Variants in TNRC6A observed in about 807,000 individuals in gnomAD.
TNRC6A encodes trinucleotide repeat-containing gene 6A protein.
A neutral mutation model predicts 221.2 loss-of-function variants in TNRC6A; 44 were observed. That is an observed-to-expected ratio of 0.20 (90% CI 0.16 to 0.26). TNRC6A has a LOEUF of 0.26. Ranked by LOEUF, TNRC6A falls within the 10% of genes least tolerant of loss-of-function variation. The pLI is 1.00. For synonymous variants in TNRC6A, 847 were observed against 838.5 expected (o/e 1.01, Z -0.18); for missense variants, 2,199 against 2,404.4 (o/e 0.91, Z 1.79).
chr16:24,806,449 A>C, intron 16 of TNRC6A, 125 bp from the exon 17 acceptor site: 2 of 1,367,158 alleles, frequency 1.5e-6, no homozygotes, highest in Non-Finnish European at 2.0e-6. Flanking sequence ...TTATGTGAAC[A>C]TTATACAGTG....
At chr16:24,631,052 C>T (rs943550384) in intron 1 of TNRC6A, among the ~76,000 whole-genome samples, 3 of 151,704 alleles carry the variant, frequency 2.0e-5, no homozygotes, top group Non-Finnish European at 2.9e-5. Flanking sequence ...GCCCTCCCTG[C>T]GCCAATTCAT....
At chr16:24,640,599 C>T (rs1290771543) in intron 1 of TNRC6A, among the ~76,000 whole-genome samples, 1 of 150,734 alleles carries the variant, frequency 6.6e-6, no homozygotes, top group Non-Finnish European at 1.5e-5. Context: ...CATGGTGGTG[C>T]ACGCCTTTGG....
rs879634091 is a variant in TNRC6A at position 24,771,578 on chromosome 16, T to TGTG, written c.164-5355_164-5354insGTG. 9.1e-3 allele frequency among the ~76,000 whole-genome samples: 1,140 copies of TGTG among 125,934 alleles called. 8 individuals carry two copies. The highest frequency in any genetic ancestry group is 9.9e-3 in the Non-Finnish European group (599 of 60,320). 82.6% of individuals were successfully genotyped at this position (125,934 alleles called of 152,430 possible). ...TGTTATGTTTTATGTTATGTTATGT[T>TGTG]ATGTTGTTATGTTATGTTATGTTAT... is the stretch of plus-strand genomic sequence containing the variant. On this transcript the variant is annotated intron_variant, in intron 4 of 24. Coordinates refer to ENST00000395799, the MANE Select transcript of TNRC6A (RefSeq NM_014494.4).
chr16:24,648,970 A>G (rs955724898), intron 2 of TNRC6A, among the ~76,000 whole-genome samples: 3 of 152,038 alleles, frequency 2.0e-5, no homozygotes, highest in African/African-American at 7.2e-5. Context: ...CAGTTTCTTA[A>G]GCGTTTCCCT....
At chr16:24,776,354 A>G (rs868425609) in intron 4 of TNRC6A, 3 of 985,176 alleles carry the variant, frequency 3.0e-6, no homozygotes, top group Non-Finnish European at 3.6e-6. Context: ...CTTTAGTTCC[A>G]TGTTCTGAGT....
intron 2 of TNRC6A, among the ~76,000 whole-genome samples, chr16:24,694,203 G>A (rs768912638): frequency 2.0e-5 from 3 of 152,114 alleles, no homozygotes; most frequent in African/African-American, 7.2e-5. Flanking sequence ...GTGCTTAAGA[G>A]GGAAAGGACC....
At chr16:24,645,861 A>AAG (rs1902257862) in intron 2 of TNRC6A, among the ~76,000 whole-genome samples, 2 of 144,206 alleles carry the variant, frequency 1.4e-5, no homozygotes, top group Non-Finnish European at 1.5e-5. Context: ...AAAAAAAAAA[A>AAG]AAAAAATTAG....
At chr16:24,634,902 T>G (rs1379923114) in intron 1 of TNRC6A, among the ~76,000 whole-genome samples, 2 of 152,202 alleles carry the variant, frequency 1.3e-5, no homozygotes, top group African/African-American at 4.8e-5. Flanking sequence ...TCATTTACAT[T>G]TCACATTTAG....
chr16:24,650,617 A>G (rs1319594288), intron 2 of TNRC6A, among the ~76,000 whole-genome samples: 1 of 151,946 alleles, frequency 6.6e-6, no homozygotes, highest in Non-Finnish European at 1.5e-5. Context: ...GTGAGCCAAG[A>G]TTATGCCACT....
rs1374385409 is a variant in TNRC6A at position 24,809,202 on chromosome 16, A to G, written c.4541-148A>G. 5.5e-6 allele frequency: 4 copies of G among 731,486 alleles called. No individual in the cohort carries two copies. The African/African-American group carries it at 7.3e-5, about 13-fold the overall frequency. 45.3% of individuals were successfully genotyped at this position (731,486 alleles called of 1,614,324 possible). ...AATCATCAAAATTTTATGGAGAAATATTTTCTACGTATAACTAAATTATAG... is the reference window on the plus strand; with the variant it reads ...AATCATCAAAATTTTATGGAGAAATGTTTTCTACGTATAACTAAATTATAG... On this transcript the variant is annotated intron_variant, in intron 17 of 24. Coordinates refer to ENST00000395799, the MANE Select transcript of TNRC6A (RefSeq NM_014494.4).
At chr16:24,656,480 A>AAG (rs1351073980) in intron 2 of TNRC6A, among the ~76,000 whole-genome samples, 12 of 151,144 alleles carry the variant, frequency 7.9e-5, no homozygotes, top group African/African-American at 1.5e-4. Context: ...AAAAAAAAAA[A>AAG]AGAGAGAGAG....
At chr16:24,627,697 C>CTTTTTTTTTTTTTTTTTTTTTTTTCT (rs57520356) in intron 1 of TNRC6A, among the ~76,000 whole-genome samples, 1 of 101,784 alleles carries the variant, frequency 9.8e-6, no homozygotes, top group Non-Finnish European at 1.9e-5. Flanking sequence ...TCTTTTCTTG[C>CTTTTTTTTTTTTTTTTTTTTTTTTCT]TTTTTTTTTT....
rs1316937688 is a variant in TNRC6A at position 24,797,598 on chromosome 16, C to T, written c.3642+28C>T. The T allele has an allele frequency of 7.3e-6, 11 of 1,515,542 alleles. No homozygotes were observed. In the Admixed American group the frequency reaches 7.3e-5, roughly 10 times the overall value. 93.9% of individuals were successfully genotyped at this position (1,515,542 alleles called of 1,614,324 possible). On this transcript the variant is annotated intron_variant, in intron 10 of 24. Transcript: ENST00000395799. Reference sequence around the variant, plus strand: ...AAGTATGTTTTCTTAGCAGCTCCTTCCTCTTTTAATGGTGGTCCATGATTT... The same window carrying T: ...AAGTATGTTTTCTTAGCAGCTCCTTTCTCTTTTAATGGTGGTCCATGATTT...
In TNRC6A at chr16:24,806,631, A is replaced by G. The variant is rs777579263; in HGVS notation, c.4387A>G (p.Asn1463Asp). The G allele has an allele frequency of 6.2e-7, 1 of 1,614,192 alleles. No homozygotes were observed. The highest frequency in any genetic ancestry group is 8.5e-7 in the Non-Finnish European group (1 of 1,180,032). The change falls in exon 17 of 25, where the codon AAC becomes GAC. Residue 1463 changes from asparagine (N) to aspartate (D), a missense_variant. Physicochemically the swap from Asn to Asp is conservative, Grantham distance 23. Around this residue, in one of 8 missense-constraint regions of TNRC6A, gnomAD observed 449 missense variants for 579.7 expected, o/e 0.77. Transcript: ENST00000395799. ...MMQQSRQLDP[N>D]LLVKQQTPPS... ...GCAACAATCTCGTCAACTTGATCCA[A>G]ACCTGTTGGTGAAGCAGCAGACTCC...
At chr16:24,626,241 A>C (rs1192659565) in intron 1 of TNRC6A, among the ~76,000 whole-genome samples, 1 of 152,110 alleles carries the variant, frequency 6.6e-6, no homozygotes, top group Non-Finnish European at 1.5e-5. Context: ...ACCAGGTTTC[A>C]GAATCGCAAA....
intron 1 of TNRC6A, among the ~76,000 whole-genome samples, chr16:24,619,382 C>T (rs569301897): frequency 6.6e-6 from 1 of 152,244 alleles, no homozygotes; most frequent in African/African-American, 2.4e-5. Flanking sequence ...TCCCCTACTG[C>T]CTGAGAATAA....
intron 2 of TNRC6A, among the ~76,000 whole-genome samples, chr16:24,687,181 G>A (rs528283669): frequency 8.5e-5 from 13 of 152,194 alleles, no homozygotes; most frequent in African/African-American, 2.9e-4. Flanking sequence ...TTAGGGGATG[G>A]GCCCTACCAG....
At chr16:24,761,322 A>G (rs2057357503) in intron 4 of TNRC6A, among the ~76,000 whole-genome samples, 1 of 152,248 alleles carries the variant, frequency 6.6e-6, no homozygotes, top group African/African-American at 2.4e-5. Context: ...AATATTTAAA[A>G]AATCTTTTAA....
rs188257544 is a variant in TNRC6A at position 24,652,049 on chromosome 16, A to G, written n.402+11040A>G. ...CTATGAAAGGAGAGAGGGAACTTAG[A>G]TGAACTTGGATTTAATAAGAAGAAT... On this transcript the variant is annotated intron_variant and non_coding_transcript_variant, in intron 2 of 2. Transcript: ENST00000566108. 2.5e-3 allele frequency among the ~76,000 whole-genome samples: 375 copies of G among 152,074 alleles called. 1 individual carries two copies. Among genetic ancestry groups the G allele is most frequent in the African/African-American group, 8.6e-3 (358 of 41,554 alleles).
Sources: allele counts gnomAD v4.1 joint callset (sites outside exome capture counted in the v4.1 genomes callset), GRCh38; gene constraint gnomAD v4.1.1; regional missense constraint gnomAD v4.1.1; transcripts MANE v1.5; gene names NCBI Gene and HGNC (gene_info 2026-07-23, HGNC 2026-07-21).